CSMD1: variants seen among roughly 807,000 people sequenced by gnomAD.
CSMD1 encodes the protein CUB and sushi domain-containing protein 1.
In CSMD1, 213 loss-of-function variants were observed where a neutral mutation model predicts 417.5. The ratio of observed to expected loss-of-function variants is 0.51; its 90% CI spans 0.46 to 0.57. The LOEUF is 0.57. Among genes scored for constraint, CSMD1 ranks in the 20% least tolerant of loss-of-function variants. CSMD1 has a pLI of 0.00. For synonymous variants in CSMD1, 2,862 were observed against 1,736.8 expected, an observed-to-expected ratio of 1.65 and a Z score of -16.11; for missense variants, 6,923 against 4,529.7, an observed-to-expected ratio of 1.53 and a Z score of -15.17.
At chr8:4,284,307 G>A (rs563153630) in intron 3 of CSMD1, among the ~76,000 whole-genome samples, 2 of 152,212 alleles carry the variant, frequency 1.3e-5, no homozygotes, top group East Asian at 1.9e-4. Context: ...GGCGGAGGTT[G>A]CCGTGAGCCG....
At chr8:3,776,226 C>T (rs950262335) in intron 5 of CSMD1, among the ~76,000 whole-genome samples, 6 of 152,274 alleles carry the variant, frequency 3.9e-5, no homozygotes, top group Middle Eastern at 3.4e-3. Context: ...TGTGCTCATC[C>T]GGATGGAGGT....
intron 68 of CSMD1, among the ~76,000 whole-genome samples, chr8:2,945,649 A>G (rs1802176146): frequency 6.6e-6 from 1 of 152,170 alleles, no homozygotes; most frequent in Non-Finnish European, 1.5e-5. Flanking sequence ...GGGTCTTCAC[A>G]ATAACACATG....
At chr8:3,620,623 T>A (rs1008821289) in intron 7 of CSMD1, among the ~76,000 whole-genome samples, 1 of 152,126 alleles carries the variant, frequency 6.6e-6, no homozygotes, top group Non-Finnish European at 1.5e-5. Flanking sequence ...TGTTATATGT[T>A]ATCTCCATGG....
intron 26 of CSMD1, among the ~76,000 whole-genome samples, chr8:3,252,814 T>C (rs1001201007): frequency 1.3e-5 from 2 of 152,250 alleles, no homozygotes; most frequent in Admixed American, 1.3e-4. Context: ...TCCAGAAATT[T>C]ATCCATTTCT....
chr8:4,146,016 A>C (rs78693895), intron 3 of CSMD1, among the ~76,000 whole-genome samples: 3 of 150,706 alleles, frequency 2.0e-5, no homozygotes, highest in South Asian at 4.2e-4. Context: ...CTAGGTATTC[A>C]AAAAAAATCT....
intron 3 of CSMD1, among the ~76,000 whole-genome samples, chr8:4,035,545 G>A (rs7006850): frequency 4.1e-4 from 63 of 152,278 alleles, no homozygotes; most frequent in African/African-American, 1.5e-3. Context: ...AGGTGGAAGA[G>A]ATGACCCCGT....
chr8:4,692,985 C>T (rs1027644409), intron 1 of CSMD1, among the ~76,000 whole-genome samples: 1 of 152,160 alleles, frequency 6.6e-6, no homozygotes. Flanking sequence ...TGCCATGGTT[C>T]CTGGAACAAA....
intron 5 of CSMD1, among the ~76,000 whole-genome samples, chr8:3,965,757 A>G (rs1030159084): frequency 6.6e-6 from 1 of 152,044 alleles, no homozygotes. Context: ...AGCTGGGACT[A>G]CAGGCATGTG....
intron 1 of CSMD1, among the ~76,000 whole-genome samples, chr8:4,842,210 T>C (rs1005273994): frequency 1.1e-4 from 16 of 152,140 alleles, no homozygotes; most frequent in African/African-American, 1.4e-4. Flanking sequence ...AACAGGTGAA[T>C]TGAGTGTGGG....
At chr8:4,743,043 T>A (rs6993907) in intron 1 of CSMD1, among the ~76,000 whole-genome samples, 29,466 of 152,166 alleles carry the variant, frequency 0.19, 3,955 homozygotes, top group African/African-American at 0.39. Flanking sequence ...TAAGTGTTTT[T>A]GTTTGTATTT....
intron 6 of CSMD1, among the ~76,000 whole-genome samples, chr8:3,713,864 C>A (rs1424064406): frequency 6.6e-6 from 1 of 152,106 alleles, no homozygotes; most frequent in Non-Finnish European, 1.5e-5. Context: ...AATCTTGTGT[C>A]TTCAACTTTT....
chr8:3,009,729 A>C (rs1808235225), intron 52 of CSMD1, among the ~76,000 whole-genome samples: 1 of 152,190 alleles, frequency 6.6e-6, no homozygotes, highest in African/African-American at 2.4e-5. Flanking sequence ...ATGGTATCAC[A>C]GAGAGTGTGT....
intron 2 of CSMD1, among the ~76,000 whole-genome samples, chr8:4,470,106 G>C (rs1009614401): frequency 2.4e-4 from 36 of 152,000 alleles, no homozygotes; most frequent in African/African-American, 8.4e-4. Context: ...TCCTGATCTC[G>C]TGATCCGCCC....
intron 3 of CSMD1, among the ~76,000 whole-genome samples, chr8:4,068,802 G>T (rs1331178689): frequency 6.6e-6 from 1 of 152,118 alleles, no homozygotes; most frequent in African/African-American, 2.4e-5. Context: ...TAAAACTACT[G>T]ACATGAATTC....
intron 1 of CSMD1, among the ~76,000 whole-genome samples, chr8:4,716,267 C>G (rs1485635304): frequency 1.3e-5 from 2 of 152,176 alleles, no homozygotes; most frequent in Non-Finnish European, 2.9e-5. Flanking sequence ...AATGCCAGCT[C>G]TTCATCCATC....
intron 25 of CSMD1, among the ~76,000 whole-genome samples, chr8:3,289,030 T>C (rs1246539105): frequency 1.4e-5 from 2 of 146,608 alleles, no homozygotes; most frequent in Admixed American, 6.7e-5. Context: ...CCTGTGTCCG[T>C]GTGTTCTCAT....
chr8:4,628,697 G>A (rs1297827795), intron 2 of CSMD1, among the ~76,000 whole-genome samples: 1 of 151,620 alleles, frequency 6.6e-6, no homozygotes, highest in Admixed American at 6.6e-5. Flanking sequence ...TTTTTACCTT[G>A]GTTAAAATTA....
At chr8:3,393,803 C>G (rs536833736) in intron 17 of CSMD1, among the ~76,000 whole-genome samples, 1 of 150,726 alleles carries the variant, frequency 6.6e-6, no homozygotes, top group South Asian at 2.1e-4. Flanking sequence ...AACACATGGA[C>G]ACAGGAAGGG....
intron 1 of CSMD1, among the ~76,000 whole-genome samples, chr8:4,982,094 C>T (rs1810921046): frequency 6.6e-6 from 1 of 152,160 alleles, no homozygotes. Flanking sequence ...CCCAGCTGAG[C>T]CTCAGGTGGC....
Sources: gnomAD v4.1 joint callset for allele counts (sites outside exome capture counted in the v4.1 genomes callset) on GRCh38, gnomAD v4.1.1 for gene constraint, MANE v1.5 for transcripts, NCBI Gene and HGNC (gene_info 2026-07-23, HGNC 2026-07-21) for gene names.